The following RSBN1L variants were observed in gnomAD, a reference collection of about 807,000 sequenced individuals.
The protein encoded by RSBN1L is round spermatid basic protein 1 like.
RSBN1L carries 30 observed loss-of-function variants against 67.7 expected under a neutral mutation model. The ratio of observed to expected loss-of-function variants is 0.44; its 90% CI spans 0.33 to 0.60. The LOEUF (loss-of-function observed/expected upper bound fraction) is 0.60, where lower values mean the gene tolerates loss of function less well. Ranked by LOEUF, RSBN1L falls within the 20% of genes least tolerant of loss-of-function variation. RSBN1L has a pLI of 0.02. For missense variants in RSBN1L, 992 were observed against 1,031.7 expected (o/e 0.96, Z 0.53); for synonymous variants, 433 against 387.0 (o/e 1.12, Z -1.39).
At chr7:77,697,434 C>T (rs965658991) in intron 1 of RSBN1L, 21 of 181,114 alleles carry the variant, frequency 1.2e-4, no homozygotes, top group African/African-American at 4.7e-4. Flanking sequence ...ATTGTTAGAC[C>T]ACTTAGACGT....
intron 1 of RSBN1L, 169 bp downstream of exon 1, chr7:77,697,224 A>G: frequency 1.6e-6 from 1 of 620,688 alleles, no homozygotes; most frequent in South Asian, 7.0e-5. Flanking sequence ...AGGGGACAGG[A>G]AATGGAGCCT....
At position 77,780,746 on chromosome 7, in the gene RSBN1L, T is replaced by C. The variant is rs1009805945; in HGVS notation, c.*1578T>C. The C allele has an allele frequency of 9.2e-5, 14 of 152,234 alleles. No individual in the cohort carries two copies. Among genetic ancestry groups the C allele is most frequent in the African/African-American group, 2.9e-4 (12 of 41,456 alleles). The allele number at this position is 152,234 out of a possible 1,614,324, so 9.4% of individuals were successfully genotyped here. A position where few individuals can be genotyped will look rare whatever the true frequency, so the allele number is the denominator to read the frequency against. On this transcript the variant is annotated 3_prime_UTR_variant, in exon 8 of 8. Coordinates refer to ENST00000334955, the MANE Select transcript of RSBN1L (RefSeq NM_198467.3). ...GCAAACAACTTGGAGTACTTCCTTT[T>C]CGAAAGAAGTTCTAGAAATTAAATT...
intron 2 of RSBN1L, among the ~76,000 whole-genome samples, chr7:77,739,979 T>G (rs1791387995): frequency 6.6e-6 from 1 of 151,310 alleles, no homozygotes. Flanking sequence ...GGCGAACTCC[T>G]GAGGTCAGGC....
At position 77,727,453 on chromosome 7, in the gene RSBN1L, A is replaced by C. The variant is rs1175483217; in HGVS notation, c.587-8957A>C. On this transcript the variant is annotated intron_variant, in intron 1 of 7. Coordinates refer to ENST00000334955, the MANE Select transcript of RSBN1L (RefSeq NM_198467.3). ...ATACTACTTTTTTTTAGTTAGTTTT[A>C]GACATATAGTGCATTCTTGTTTAGA... 3.3e-5 allele frequency among the ~76,000 whole-genome samples: 5 copies of C among 152,154 alleles called. No homozygotes were observed. In the South Asian group the frequency reaches 1.0e-3, roughly 32 times the overall value.
At chr7:77,731,391 G>A (rs188236512) in intron 1 of RSBN1L, among the ~76,000 whole-genome samples, 155 of 151,900 alleles carry the variant, frequency 1.0e-3, no homozygotes, top group African/African-American at 3.5e-3. Flanking sequence ...ACGCACCACC[G>A]TGCCCAGCTA....
intron 1 of RSBN1L, among the ~76,000 whole-genome samples, chr7:77,724,946 G>A (rs1035285887): frequency 7.3e-5 from 11 of 150,300 alleles, no homozygotes; most frequent in Non-Finnish European, 1.5e-4. Context: ...GGGTCCAGTC[G>A]GTTCTCCTGC....
At chr7:77,726,825 G>A (rs1191946491) in intron 1 of RSBN1L, among the ~76,000 whole-genome samples, 2 of 140,126 alleles carry the variant, frequency 1.4e-5, no homozygotes, top group Admixed American at 7.7e-5. Context: ...TTGTTGCCCA[G>A]GCTGGAGTGC....
At chr7:77,775,360 C>A (rs1791899859) in intron 6 of RSBN1L, among the ~76,000 whole-genome samples, 1 of 152,088 alleles carries the variant, frequency 6.6e-6, no homozygotes, top group Admixed American at 6.5e-5. Context: ...CATGGTGAAA[C>A]CTTGCCTCTC....
At chr7:77,738,676 A>G (rs1791367297) in intron 2 of RSBN1L, among the ~76,000 whole-genome samples, 1 of 152,328 alleles carries the variant, frequency 6.6e-6, no homozygotes. Context: ...GGCCAGGCAC[A>G]GTGGCTGAAG....
At chr7:77,702,499 C>T (rs1365633994) in intron 1 of RSBN1L, among the ~76,000 whole-genome samples, 1 of 151,958 alleles carries the variant, frequency 6.6e-6, no homozygotes, top group Non-Finnish European at 1.5e-5. Context: ...TCTTTGTGAT[C>T]ATGAGCAAGG....
At chr7:77,739,253 T>G (rs562284318) in intron 2 of RSBN1L, among the ~76,000 whole-genome samples, 1 of 152,324 alleles carries the variant, frequency 6.6e-6, no homozygotes, top group Non-Finnish European at 1.5e-5. Flanking sequence ...ACTTTTTTCC[T>G]TGTGGCCTCC....
intron 5 of RSBN1L, among the ~76,000 whole-genome samples, chr7:77,772,134 A>C (rs1791857891): frequency 6.6e-6 from 1 of 152,218 alleles, no homozygotes; most frequent in South Asian, 2.1e-4. Context: ...ACCATCTGGC[A>C]TTGTGACACA....
chr7:77,725,244 C>CTTTTTTTTTTTTT (rs779531960), intron 1 of RSBN1L, among the ~76,000 whole-genome samples: 2,704 of 73,298 alleles, frequency 0.037, 369 homozygotes, highest in African/African-American at 0.047. Flanking sequence ...AAGCCCCCCA[C>CTTTTTTTTTTTTT]TTTTTTTTTT....
At chr7:77,698,001 G>A (rs372664854) in intron 1 of RSBN1L, among the ~76,000 whole-genome samples, 2 of 152,182 alleles carry the variant, frequency 1.3e-5, no homozygotes, top group South Asian at 4.1e-4. Flanking sequence ...TATTATAAAT[G>A]TGCACTGCTA....
intron 1 of RSBN1L, among the ~76,000 whole-genome samples, chr7:77,731,640 T>C (rs964791932): frequency 6.6e-6 from 1 of 152,242 alleles, no homozygotes; most frequent in Non-Finnish European, 1.5e-5. Context: ...TATTTTCTTA[T>C]AGTCTGTGGC....
chr7:77,758,727 C>T (rs1791654541), intron 3 of RSBN1L, among the ~76,000 whole-genome samples: 1 of 152,138 alleles, frequency 6.6e-6, no homozygotes, highest in Non-Finnish European at 1.5e-5. Flanking sequence ...TTTAGGTTTT[C>T]TAGCATCTGT....
Position 77,696,854 on chromosome 7 carries a change from C to T in RSBN1L, c.385C>T (p.Leu129=), listed in dbSNP as rs751464901. The change falls in exon 1 of 8, where the codon CTG becomes TTG. Residue 129 remains leucine, a synonymous_variant. Coordinates refer to ENST00000334955, the MANE Select transcript of RSBN1L (RefSeq NM_198467.3). ...GTCTCAGCCGGTGCCGCGCAAACTGCTGGTCCCTCCTACGCTGCTGCACGC... is the reference window on the plus strand; with the variant it reads ...GTCTCAGCCGGTGCCGCGCAAACTGTTGGTCCCTCCTACGCTGCTGCACGC... The part of the protein sequence containing the change: ...SLSQPVPRKL[L]VPPTLLHAQP... 1.9e-6 allele frequency: 3 copies of T among 1,612,418 alleles called. No homozygotes were observed. The African/African-American group carries it at 4.0e-5, about 21-fold the overall frequency.
intron 2 of RSBN1L, among the ~76,000 whole-genome samples, chr7:77,746,854 C>A (rs1420601155): frequency 6.6e-6 from 1 of 152,202 alleles, no homozygotes; most frequent in African/African-American, 2.4e-5. Context: ...GTCATTAAAC[C>A]TTAAAGCTCC....
chr7:77,762,388 G>T (rs1791707207), intron 3 of RSBN1L, among the ~76,000 whole-genome samples: 1 of 152,032 alleles, frequency 6.6e-6, no homozygotes, highest in South Asian at 2.1e-4. Flanking sequence ...ATCGGTTTTT[G>T]ATTTATTCAG....
Sources: gnomAD v4.1 joint callset for allele counts (sites outside exome capture counted in the v4.1 genomes callset) on GRCh38, gnomAD v4.1.1 for gene constraint, MANE v1.5 for transcripts, NCBI Gene and HGNC (gene_info 2026-07-23, HGNC 2026-07-21) for gene names.